PPFIA2: variants seen among roughly 807,000 people sequenced by gnomAD.
PPFIA2 encodes the protein liprin-alpha-2.
PPFIA2 carries 46 observed loss-of-function variants against 175.5 expected under a neutral mutation model. The ratio of observed to expected loss-of-function variants is 0.26; its 90% CI spans 0.21 to 0.34. PPFIA2 has a LOEUF of 0.34. PPFIA2 is among the 10% of genes least tolerant of loss of function. The pLI is 1.00. For missense variants in PPFIA2, 1,179 were observed against 1,506.1 expected (o/e 0.78, Z 3.60); for synonymous variants, 568 against 511.4 (o/e 1.11, Z -1.49).
At chr12:81,403,141 TG>T (rs1285191834) in intron 8 of PPFIA2, among the ~76,000 whole-genome samples, 4 of 152,190 alleles carry the variant, frequency 2.6e-5, no homozygotes, top group Non-Finnish European at 4.4e-5. Flanking sequence ...GTAATCATAA[TG>T]TTTAAAAACC....
chr12:81,739,010 T>C (rs1007729873), intron 3 of PPFIA2, among the ~76,000 whole-genome samples: 1 of 151,902 alleles, frequency 6.6e-6, no homozygotes, highest in African/African-American at 2.4e-5. Flanking sequence ...GGTCACTTCA[T>C]GATGATAAAA....
intron 18 of PPFIA2, 159 bp from the exon 19 acceptor site, chr12:81,344,852 C>T: frequency 1.9e-6 from 1 of 539,304 alleles, no homozygotes; most frequent in Non-Finnish European, 3.3e-6. Flanking sequence ...TATAAAAGCA[C>T]TCCGCCTGGT....
At chr12:81,742,621 G>C (rs2082460858) in intron 3 of PPFIA2, among the ~76,000 whole-genome samples, 1 of 152,160 alleles carries the variant, frequency 6.6e-6, no homozygotes, top group South Asian at 2.1e-4. Context: ...AAGAATGTCT[G>C]GAGAAGAGGT....
chr12:81,336,211 T>C (rs2057109613), intron 21 of PPFIA2, among the ~76,000 whole-genome samples: 1 of 152,222 alleles, frequency 6.6e-6, no homozygotes, highest in Non-Finnish European at 1.5e-5. Context: ...TTGAGTGAAC[T>C]AACCATTTGA....
chr12:81,587,834 T>C (rs1002967382), intron 4 of PPFIA2, among the ~76,000 whole-genome samples: 1 of 152,060 alleles, frequency 6.6e-6, no homozygotes, highest in African/African-American at 2.4e-5. Context: ...CTAGTGTTTT[T>C]CTCAACATTG....
intron 9 of PPFIA2, among the ~76,000 whole-genome samples, chr12:81,381,089 C>CA (rs1265210750): frequency 2.6e-5 from 4 of 151,706 alleles, no homozygotes; most frequent in African/African-American, 9.7e-5. Context: ...TCAGTTCCTA[C>CA]AGTCTTGCAC....
intron 9 of PPFIA2, among the ~76,000 whole-genome samples, chr12:81,382,381 C>T (rs1595868178): frequency 6.6e-6 from 1 of 152,152 alleles, no homozygotes; most frequent in African/African-American, 2.4e-5. Context: ...AAGTTTTAAG[C>T]AGAAAAGTGA....
chr12:81,516,931 G>A (rs2062519452), intron 4 of PPFIA2, among the ~76,000 whole-genome samples: 1 of 152,118 alleles, frequency 6.6e-6, no homozygotes, highest in African/African-American at 2.4e-5. Context: ...ACTTAGTGAA[G>A]TACCCCAGGA....
Position 81,453,576 on chromosome 12 carries a change from C to G in PPFIA2, c.405+4189G>C, listed in dbSNP as rs531376543. On this transcript the variant is annotated intron_variant, in intron 5 of 32. Transcript: ENST00000549396. ...AAATTTTGTTTCAATATTTTTTCTACATTTTTATCAGTATAAAAATATTGA... is the reference window on the plus strand; with the variant it reads ...AAATTTTGTTTCAATATTTTTTCTAGATTTTTATCAGTATAAAAATATTGA... Among the ~76,000 whole-genome samples, 17 of 152,086 alleles carry G rather than the reference C, an allele frequency of 1.1e-4. No homozygotes were observed. In the East Asian group the frequency reaches 3.3e-3, roughly 29 times the overall value.
chr12:81,577,600 G>T (rs1329654857), intron 4 of PPFIA2, among the ~76,000 whole-genome samples: 3 of 151,864 alleles, frequency 2.0e-5, no homozygotes, highest in Non-Finnish European at 4.4e-5. Flanking sequence ...TAAATTGATT[G>T]AATGTGAAAG....
intron 4 of PPFIA2, among the ~76,000 whole-genome samples, chr12:81,659,196 G>C (rs2068334981): frequency 6.6e-6 from 1 of 152,086 alleles, no homozygotes; most frequent in Non-Finnish European, 1.5e-5. Context: ...TCATCTCACT[G>C]GGGATTGTCA....
At chr12:81,492,817 T>C (rs1180430689) in intron 4 of PPFIA2, among the ~76,000 whole-genome samples, 3 of 152,074 alleles carry the variant, frequency 2.0e-5, no homozygotes, top group Non-Finnish European at 4.4e-5. Flanking sequence ...AGCTGCTATT[T>C]GAGGAACAGA....
chr12:81,702,269 T>TC (rs1352267567), intron 3 of PPFIA2, among the ~76,000 whole-genome samples: 3 of 152,278 alleles, frequency 2.0e-5, no homozygotes, highest in African/African-American at 7.2e-5. Flanking sequence ...TTGTAGCACT[T>TC]CCCAGTCTAA....
At chr12:81,644,006 AACCAGCACCTTG>A (rs1227898161) in intron 4 of PPFIA2, among the ~76,000 whole-genome samples, 1 of 152,060 alleles carries the variant, frequency 6.6e-6, no homozygotes, top group African/African-American at 2.4e-5. Context: ...CATTTAAAAG[AACCAGCACCTTG>A]ACCAACAAAA....
At chr12:81,568,699 C>T (rs1402628220) in intron 4 of PPFIA2, among the ~76,000 whole-genome samples, 2 of 152,172 alleles carry the variant, frequency 1.3e-5, no homozygotes, top group Non-Finnish European at 2.9e-5. Context: ...AACCATCCCT[C>T]CACCTTGATA....
At chr12:81,705,216 G>A (rs559031721) in intron 3 of PPFIA2, among the ~76,000 whole-genome samples, 5 of 150,792 alleles carry the variant, frequency 3.3e-5, no homozygotes, top group South Asian at 4.2e-4. Context: ...TTGGGAGGCC[G>A]AGGCGGGCAG....
At chr12:81,322,562 T>C (rs2053885059) in intron 22 of PPFIA2, among the ~76,000 whole-genome samples, 1 of 152,150 alleles carries the variant, frequency 6.6e-6, no homozygotes, top group Non-Finnish European at 1.5e-5. Context: ...TTCAAAGAAT[T>C]ACAAGCTGAG....
At chr12:81,504,368 T>G (rs2060915026) in intron 4 of PPFIA2, among the ~76,000 whole-genome samples, 1 of 152,118 alleles carries the variant, frequency 6.6e-6, no homozygotes, top group Non-Finnish European at 1.5e-5. Flanking sequence ...AAGAAGATAT[T>G]TATATGGCCA....
At chr12:81,368,192 A>G (rs1380357745) in intron 13 of PPFIA2, 1 of 1,271,994 alleles carries the variant, frequency 7.9e-7, no homozygotes, top group Non-Finnish European at 1.0e-6. Flanking sequence ...ATATAACTGT[A>G]AATCACATTG....
Sources: gnomAD v4.1 joint callset for allele counts (sites outside exome capture counted in the v4.1 genomes callset) on GRCh38, gnomAD v4.1.1 for gene constraint, MANE v1.5 for transcripts, NCBI Gene and HGNC (gene_info 2026-07-23, HGNC 2026-07-21) for gene names.